PLCG2: variants seen among roughly 807,000 people sequenced by gnomAD.
The protein encoded by PLCG2 is 1-phosphatidylinositol 4,5-bisphosphate phosphodiesterase gamma-2.
In PLCG2, 69 loss-of-function variants were observed where a neutral mutation model predicts 175.6. The ratio of observed to expected loss-of-function variants is 0.39; its 90% CI spans 0.32 to 0.48. The LOEUF is 0.48. Ranked by LOEUF, PLCG2 falls within the 20% of genes least tolerant of loss-of-function variation. The pLI is 0.91. For synonymous variants in PLCG2, 827 were observed against 624.0 expected, an observed-to-expected ratio of 1.33 and a Z score of -4.85; for missense variants, 1,798 against 1,650.9, an observed-to-expected ratio of 1.09 and a Z score of -1.54.
At chr16:81,853,022 C>T (rs1040336234) in intron 2 of PLCG2, among the ~76,000 whole-genome samples, 2 of 152,164 alleles carry the variant, frequency 1.3e-5, no homozygotes, top group African/African-American at 4.8e-5. Context: ...ATGGAAGGTA[C>T]CAGGCCTTCT....
intron 2 of PLCG2, among the ~76,000 whole-genome samples, chr16:81,813,771 C>T (rs1904421815): frequency 6.6e-6 from 1 of 152,146 alleles, no homozygotes; most frequent in South Asian, 2.1e-4. Context: ...GCGTCTCTCC[C>T]TGTTCTGTGG....
rs545577952 is a variant in PLCG2 at position 81,876,269 on chromosome 16, C to T, written c.649-4641C>T. Among the ~76,000 whole-genome samples the T allele has an allele frequency of 3.9e-5, 6 of 152,222 alleles. No individual in the cohort carries two copies. In the South Asian group the frequency reaches 6.2e-4, roughly 16 times the overall value. ...AACTCCTGGGCTCAAGTGATCCACC[C>T]GCCTTGGCCTCCCATAGTGCTGGGA... is the stretch of plus-strand genomic sequence containing the variant. On this transcript the variant is annotated intron_variant, in intron 7 of 32. Coordinates refer to ENST00000564138, the MANE Select transcript of PLCG2 (RefSeq NM_002661.5).
chr16:81,946,512 ACT>A (rs1911156178), intron 31 of PLCG2, among the ~76,000 whole-genome samples: 1 of 152,094 alleles, frequency 6.6e-6, no homozygotes, highest in African/African-American at 2.4e-5. Context: ...GGGTGCCGGT[ACT>A]TGTAAGTTCC....
In PLCG2 at chr16:81,845,915, A is replaced by G. The variant is rs116225262; in HGVS notation, c.194-8529A>G. 6.2e-3 allele frequency among the ~76,000 whole-genome samples: 951 copies of G among 152,306 alleles called. 9 individuals are homozygous for G. The highest frequency in any genetic ancestry group is 0.022 in the African/African-American group (924 of 41,560). ...TCAAAGTTCAAATGCTGGCTCTTGCACTTGTGGCTGGTGACCCTGGCCAAG... is the reference window on the plus strand; with the variant it reads ...TCAAAGTTCAAATGCTGGCTCTTGCGCTTGTGGCTGGTGACCCTGGCCAAG... On this transcript the variant is annotated intron_variant, in intron 2 of 32. Transcript: ENST00000564138.
At chr16:81,765,778 A>T (rs974952722) in intron 2 of PLCG2, among the ~76,000 whole-genome samples, 2 of 152,184 alleles carry the variant, frequency 1.3e-5, no homozygotes, top group Non-Finnish European at 1.5e-5. Flanking sequence ...GCCCCTTCTG[A>T]ATGGTCTGGA....
chr16:81,960,420 T>C lies in PLCG2; in HGVS notation c.*2422T>C, dbSNP rs1486401117. ...TAGATCAAAACCACCACTGCATATG[T>C]ATTACACTGTTTTTGTTCACCATTT... On this transcript the variant is annotated 3_prime_UTR_variant, in exon 33 of 33. Coordinates refer to ENST00000564138, the MANE Select transcript of PLCG2 (RefSeq NM_002661.5). 1.3e-5 allele frequency: 3 copies of C among 226,156 alleles called. No individual in the cohort carries two copies. Among genetic ancestry groups the C allele is most frequent in the Admixed American group, 5.7e-5 (1 of 17,526 alleles). The allele number at this position is 226,156 out of a possible 1,614,324, so 14.0% of individuals were successfully genotyped here.
intron 2 of PLCG2, among the ~76,000 whole-genome samples, chr16:81,825,697 C>A (rs946558048): frequency 6.6e-5 from 10 of 152,222 alleles, no homozygotes; most frequent in African/African-American, 2.2e-4. Context: ...CTTTTGCACT[C>A]ATCTAATAGG....
intron 2 of PLCG2, among the ~76,000 whole-genome samples, chr16:81,758,267 C>T (rs935759239): frequency 6.6e-5 from 10 of 152,214 alleles, no homozygotes; most frequent in South Asian, 2.1e-4. Flanking sequence ...TGTGAACCCT[C>T]GTGCCCAGGC....
At chr16:81,912,174 C>A (rs1347112198) in intron 18 of PLCG2, among the ~76,000 whole-genome samples, 1 of 152,150 alleles carries the variant, frequency 6.6e-6, no homozygotes, top group African/African-American at 2.4e-5. Context: ...TTCTCGCGAT[C>A]CACCTGCCTT....
chr16:81,938,665 C>G lies in PLCG2; in HGVS notation c.3199-136C>G, dbSNP rs61154120. 53 of 611,510 alleles carry G rather than the reference C, an allele frequency of 8.7e-5. No individual in the cohort carries two copies. The African/African-American group carries it at 8.9e-4, about 10-fold the overall frequency. 37.9% of individuals were successfully genotyped at this position (611,510 alleles called of 1,614,324 possible). A position where few individuals can be genotyped will look rare whatever the true frequency, so the allele number is the denominator to read the frequency against. ...CATCCACTGCAGAAGGTTGCTCCGG[C>G]TTTTCCAGTGAATCTAGGAAAATTA... On this transcript the variant is annotated intron_variant, in intron 28 of 32. Coordinates refer to ENST00000564138, the MANE Select transcript of PLCG2 (RefSeq NM_002661.5).
intron 31 of PLCG2, among the ~76,000 whole-genome samples, chr16:81,951,965 G>A (rs1054056881): frequency 6.6e-6 from 1 of 152,118 alleles, no homozygotes; most frequent in Non-Finnish European, 1.5e-5. Flanking sequence ...AGAGACTGAT[G>A]TTTATTTTTC....
At chr16:81,802,019 C>T (rs566563088) in intron 2 of PLCG2, among the ~76,000 whole-genome samples, 191 of 142,434 alleles carry the variant, frequency 1.3e-3, no homozygotes, top group Non-Finnish European at 2.6e-3. Flanking sequence ...AAATCTGTGG[C>T]TGTGCAGAGG....
At chr16:81,828,473 C>T (rs1488882568) in intron 2 of PLCG2, among the ~76,000 whole-genome samples, 9 of 151,974 alleles carry the variant, frequency 5.9e-5, no homozygotes, top group Admixed American at 5.2e-4. Flanking sequence ...CTCCTGACCT[C>T]GTGATCCACC....
At chr16:81,915,801 C>T (rs1306378447) in intron 19 of PLCG2, among the ~76,000 whole-genome samples, 2 of 152,050 alleles carry the variant, frequency 1.3e-5, no homozygotes, top group Non-Finnish European at 2.9e-5. Context: ...CCTGCCTGCC[C>T]TGAGGAGCTC....
At chr16:81,769,693 G>A (rs1910232390) in intron 2 of PLCG2, among the ~76,000 whole-genome samples, 2 of 150,892 alleles carry the variant, frequency 1.3e-5, no homozygotes, top group South Asian at 2.1e-4. Flanking sequence ...AGTGGCGGGC[G>A]CCTGTAGTCC....
rs544297739 is a variant in PLCG2, at chr16:81,902,744, C to T, written c.1362+1964C>T. ...TTCTCACACTGCTCATAAAGACATA[C>T]CCAAGACTGGGTAATTTATAAAGGA... On this transcript the variant is annotated intron_variant, in intron 14 of 32. Coordinates refer to ENST00000564138, the MANE Select transcript of PLCG2 (RefSeq NM_002661.5). Among the ~76,000 whole-genome samples, 14 of 152,210 alleles carry T rather than the reference C, an allele frequency of 9.2e-5. No individual in the cohort carries two copies. The East Asian group carries it at 2.7e-3, about 29-fold the overall frequency.
At chr16:81,912,121 CAG>C (rs889697012) in intron 18 of PLCG2, among the ~76,000 whole-genome samples, 16 of 151,700 alleles carry the variant, frequency 1.1e-4, no homozygotes, top group African/African-American at 3.6e-4. Context: ...TTAGTAGAGA[CAG>C]AGTTTCGCCA....
intron 11 of PLCG2, among the ~76,000 whole-genome samples, chr16:81,893,160 C>G (rs1420617742): frequency 6.6e-6 from 1 of 152,082 alleles, no homozygotes; most frequent in East Asian, 1.9e-4. Flanking sequence ...TGCTTGGCCT[C>G]GGAACACAAA....
chr16:81,946,209 C>T lies in PLCG2; in HGVS notation c.3516C>T (p.Ser1172=), dbSNP rs773778524. Reference sequence around the variant, plus strand: ...CCGTTCCTCTGAAGAATGGGTACAGCGAGGACATAGAGCTGGCTTCCCTCC... The same window carrying T: ...CCGTTCCTCTGAAGAATGGGTACAGTGAGGACATAGAGCTGGCTTCCCTCC... ...FRSVPLKNGY[S]EDIELASLLV... is the part of the protein sequence containing the mutation. The change falls in exon 31 of 33, where the codon AGC becomes AGT. Residue 1172 remains serine (S), a synonymous_variant. Coordinates refer to ENST00000564138, the MANE Select transcript of PLCG2 (RefSeq NM_002661.5). The T allele has an allele frequency of 4.1e-5, 66 of 1,613,792 alleles. No individual in the cohort carries two copies. The highest frequency in any genetic ancestry group is 3.3e-4 in the Middle Eastern group (2 of 6,084).
Sources: allele counts gnomAD v4.1 joint callset (sites outside exome capture counted in the v4.1 genomes callset), GRCh38; gene constraint gnomAD v4.1.1; transcripts MANE v1.5; gene names NCBI Gene and HGNC (gene_info 2026-07-23, HGNC 2026-07-21).